CYRIB: variants seen among roughly 807,000 people sequenced by gnomAD.
The protein encoded by CYRIB is CYFIP-related Rac1 interactor B.
CYRIB carries 8 observed loss-of-function variants against 44.2 expected under a neutral mutation model. The ratio of observed to expected loss-of-function variants is 0.18; its 90% CI spans 0.11 to 0.33. The LOEUF is 0.33. Among genes scored for constraint, CYRIB ranks in the 10% least tolerant of loss-of-function variants. The pLI is 1.00. For missense variants in CYRIB, 185 were observed against 382.8 expected, an observed-to-expected ratio of 0.48 and a Z score of 4.31; for synonymous variants, 131 against 127.2, an observed-to-expected ratio of 1.03 and a Z score of -0.20.
At chr8:129,979,154 A>AAATT (rs995848075) in intron 1 of CYRIB, among the ~76,000 whole-genome samples, 6 of 151,944 alleles carry the variant, frequency 3.9e-5, no homozygotes, top group East Asian at 1.9e-4. Flanking sequence ...ATAAATAAAT[A>AAATT]AATTAATTAA....
chr8:129,967,675 G>A (rs536400754), intron 2 of CYRIB, among the ~76,000 whole-genome samples: 14 of 152,216 alleles, frequency 9.2e-5, no homozygotes, highest in South Asian at 2.1e-4. Flanking sequence ...CACCGTGCCC[G>A]GCTTTCTTTC....
At chr8:129,981,406 C>T (rs2096235235) in intron 1 of CYRIB, among the ~76,000 whole-genome samples, 1 of 152,180 alleles carries the variant, frequency 6.6e-6, no homozygotes, top group Non-Finnish European at 1.5e-5. Flanking sequence ...CAACCTCAGC[C>T]GCCCGAAGCG....
chr8:129,998,660 C>A (rs1456915516), intron 1 of CYRIB, among the ~76,000 whole-genome samples: 3 of 146,326 alleles, frequency 2.1e-5, no homozygotes, highest in Non-Finnish European at 3.0e-5. Flanking sequence ...TAGATGAATT[C>A]TTGCTCTGTC....
intron 1 of CYRIB, among the ~76,000 whole-genome samples, chr8:129,995,103 G>A (rs1303516277): frequency 6.6e-6 from 1 of 152,178 alleles, no homozygotes; most frequent in Non-Finnish European, 1.5e-5. Flanking sequence ...AAGGTGGGTG[G>A]AATGTTGAGC....
At chr8:129,898,290 A>G (rs1336625323) in intron 2 of CYRIB, among the ~76,000 whole-genome samples, 1 of 152,134 alleles carries the variant, frequency 6.6e-6, no homozygotes, top group African/African-American at 2.4e-5. Flanking sequence ...CAATTCATCC[A>G]AAAACAATTA....
chr8:129,935,890 TGAA>T (rs1047285094), intron 1 of CYRIB, among the ~76,000 whole-genome samples: 5 of 152,322 alleles, frequency 3.3e-5, no homozygotes, highest in African/African-American at 9.6e-5. Context: ...TATCGAGATG[TGAA>T]GGTGTGTTGC....
chr8:129,910,477 CTTTTTTTTTT>C (rs1171288097), intron 1 of CYRIB, among the ~76,000 whole-genome samples: 7,924 of 110,644 alleles, frequency 0.072, 294 homozygotes, highest in Middle Eastern at 0.14. Context: ...CCTTCTTTCA[CTTTTTTTTTT>C]TTTTTTTTTT....
chr8:129,963,189 A>G (rs1360934247), intron 2 of CYRIB, among the ~76,000 whole-genome samples: 2 of 152,246 alleles, frequency 1.3e-5, no homozygotes, highest in Non-Finnish European at 2.9e-5. Context: ...AAAGATGGTG[A>G]AAAACTGTGT....
At chr8:129,972,405 C>T (rs189378273) in intron 1 of CYRIB, among the ~76,000 whole-genome samples, 461 of 152,014 alleles carry the variant, frequency 3.0e-3, no homozygotes, top group Non-Finnish European at 4.9e-3. Context: ...AGGGAGCTCT[C>T]GTCTCTACAA....
At chr8:129,978,851 G>A (rs1183117705) in intron 1 of CYRIB, among the ~76,000 whole-genome samples, 2 of 152,060 alleles carry the variant, frequency 1.3e-5, no homozygotes, top group African/African-American at 4.8e-5. Flanking sequence ...ATATATCAAT[G>A]TTGGCCGGGT....
At chr8:129,944,269 G>A (rs1477794567), upstream of CYRIB, among the ~76,000 whole-genome samples, 2 of 152,156 alleles carry the variant, frequency 1.3e-5, no homozygotes, top group Admixed American at 6.5e-5. Flanking sequence ...AGGAGAGCCT[G>A]CTCAAGGAAA....
chr8:129,848,515 G>C (rs866827731), intron 10 of CYRIB, among the ~76,000 whole-genome samples: 12 of 152,194 alleles, frequency 7.9e-5, no homozygotes, highest in African/African-American at 2.4e-4. Flanking sequence ...ATTATGACTA[G>C]GTAGGGGAGG....
Position 129,885,518 on chromosome 8 carries a change from A to G in CYRIB, c.-10-6047T>C, listed in dbSNP as rs1177714904. Among the ~76,000 whole-genome samples, 3 of 152,314 alleles carry G rather than the reference A, an allele frequency of 2.0e-5. No individual in the cohort carries two copies. In the South Asian group the frequency reaches 6.2e-4, roughly 32 times the overall value. On this transcript the variant is annotated intron_variant, in intron 2 of 11. Transcript: ENST00000519824. ...AAATCAGGGTTTCTTAAACTCAGCA[A>G]TACTAACATTTGAACTGTACAATTC... is the stretch of plus-strand genomic sequence containing the variant.
intron 5 of CYRIB, among the ~76,000 whole-genome samples, chr8:129,856,448 AAT>A (rs1250572965): frequency 1.3e-5 from 2 of 152,306 alleles, no homozygotes; most frequent in East Asian, 3.9e-4. Flanking sequence ...ACTAAATACT[AAT>A]ATTTCATTTC....
At chr8:129,883,060 A>C (rs1372919862) in intron 2 of CYRIB, among the ~76,000 whole-genome samples, 2 of 142,100 alleles carry the variant, frequency 1.4e-5, no homozygotes, top group African/African-American at 5.3e-5. Flanking sequence ...GTAGGGAGCC[A>C]AGATCACGCC....
intron 1 of CYRIB, among the ~76,000 whole-genome samples, chr8:129,935,442 G>T (rs2092624318): frequency 1.3e-5 from 2 of 152,130 alleles, no homozygotes; most frequent in Non-Finnish European, 2.9e-5. Context: ...AAACCTGGAT[G>T]CCTCTAATGC....
At chr8:130,009,559 C>T (rs548300350) in intron 1 of CYRIB, among the ~76,000 whole-genome samples, 52 of 152,212 alleles carry the variant, frequency 3.4e-4, no homozygotes, top group African/African-American at 1.2e-3. Context: ...TGAGCCACTG[C>T]GCCCGGCCCA....
At chr8:129,933,649 G>A (rs1475086096) in intron 1 of CYRIB, among the ~76,000 whole-genome samples, 4 of 152,072 alleles carry the variant, frequency 2.6e-5, no homozygotes, top group South Asian at 2.1e-4. Context: ...AGGCCGAGGC[G>A]GGCTGATCAC....
At chr8:129,891,353 A>G (rs1412453308) in intron 2 of CYRIB, among the ~76,000 whole-genome samples, 1 of 152,232 alleles carries the variant, frequency 6.6e-6, no homozygotes, top group African/African-American at 2.4e-5. Context: ...TTTGACTGAT[A>G]TCGGAGAAGT....
Sources: gnomAD v4.1 joint callset for allele counts (sites outside exome capture counted in the v4.1 genomes callset) on GRCh38, gnomAD v4.1.1 for gene constraint, MANE v1.5 for transcripts, NCBI Gene and HGNC (gene_info 2026-07-23, HGNC 2026-07-21) for gene names.